The following SVIL variants were observed in gnomAD, a reference collection of about 807,000 sequenced individuals.
The protein encoded by SVIL is archvillin.
A neutral mutation model predicts 240.4 loss-of-function variants in SVIL; 101 were observed. That is an observed-to-expected ratio of 0.42 (90% CI 0.36 to 0.50). The LOEUF (loss-of-function observed/expected upper bound fraction) is 0.50. Among genes scored for constraint, SVIL ranks in the 20% least tolerant of loss-of-function variants. The probability of loss-of-function intolerance (pLI) is 0.01; values close to 1 mark genes in which losing one functional copy is unlikely to be tolerated. For missense variants in SVIL, 2,512 were observed against 2,818.7 expected (o/e 0.89, Z 2.46); for synonymous variants, 999 against 1,100.0 (o/e 0.91, Z 1.82).
At chr10:29,619,394 A>G (rs553417659) in intron 1 of SVIL, among the ~76,000 whole-genome samples, 142 of 152,344 alleles carry the variant, frequency 9.3e-4, no homozygotes, top group Non-Finnish European at 1.7e-3. Context: ...ACTAAAACTA[A>G]CCAGACGTAT....
intron 3 of SVIL, among the ~76,000 whole-genome samples, chr10:29,558,625 A>G (rs2132676276): frequency 6.6e-6 from 1 of 151,750 alleles, no homozygotes; most frequent in African/African-American, 2.4e-5. Flanking sequence ...TATCTGTTTT[A>G]TATTATTATT....
At chr10:29,736,287 G>C (rs1207277678), upstream of SVIL, among the ~76,000 whole-genome samples, 1 of 152,208 alleles carries the variant, frequency 6.6e-6, no homozygotes, top group Non-Finnish European at 1.5e-5. Context: ...TTAAAACACC[G>C]GAAAGGCAGA....
At chr10:29,658,375 G>T (rs1346981586) in intron 2 of SVIL, among the ~76,000 whole-genome samples, 1 of 152,180 alleles carries the variant, frequency 6.6e-6, no homozygotes, top group Non-Finnish European at 1.5e-5. Flanking sequence ...TTTTCTGGGA[G>T]GACTAAAATT....
At chr10:29,649,266 T>C (rs1234478643) in intron 3 of SVIL, among the ~76,000 whole-genome samples, 3 of 152,200 alleles carry the variant, frequency 2.0e-5, no homozygotes, top group African/African-American at 7.2e-5. Context: ...CTTCTCAGAA[T>C]AATAAATTTA....
At chr10:29,622,131 TC>T (rs1416767601) in intron 1 of SVIL, among the ~76,000 whole-genome samples, 1 of 149,810 alleles carries the variant, frequency 6.7e-6, no homozygotes, top group Non-Finnish European at 1.5e-5. Flanking sequence ...GCGCCTGTAG[TC>T]CCAGCTACTC....
At chr10:29,487,481 G>A (rs1034213796) in intron 23 of SVIL, 182 bp from the exon 24 acceptor site, 18 of 642,428 alleles carry the variant, frequency 2.8e-5, no homozygotes, top group Non-Finnish European at 4.4e-5. Context: ...TGGCACTAGC[G>A]GCTGCTTTCC....
chr10:29,516,834 G>A (rs1029181762), intron 16 of SVIL, among the ~76,000 whole-genome samples: 4 of 152,304 alleles, frequency 2.6e-5, no homozygotes, highest in African/African-American at 7.2e-5. Flanking sequence ...ATGCTGGCCT[G>A]AGAACCCTGC....
At chr10:29,652,245 T>C (rs1958862880) in intron 3 of SVIL, among the ~76,000 whole-genome samples, 1 of 152,212 alleles carries the variant, frequency 6.6e-6, no homozygotes, top group Admixed American at 6.5e-5. Context: ...ACCATTAATC[T>C]ACTTTGTGTC....
chr10:29,581,197 T>C (rs2132763843), intron 1 of SVIL, among the ~76,000 whole-genome samples: 1 of 152,180 alleles, frequency 6.6e-6, no homozygotes, highest in East Asian at 1.9e-4. Flanking sequence ...GGTATTCTCA[T>C]TTTCTTTGGT....
In SVIL at chr10:29,529,414, C is replaced by A. The variant is rs568894952; in HGVS notation, c.2246+291G>T. On this transcript the variant is annotated intron_variant, in intron 12 of 37. Transcript: ENST00000355867. ...GAAGCTGGGGTTTCATCACAGCAAT[C>A]CACCAAGTTTCATGTTTCTATTTTC... Among the ~76,000 whole-genome samples the A allele has an allele frequency of 3.0e-3, 456 of 152,020 alleles. 4 individuals carry two copies. The highest frequency in any genetic ancestry group is 0.02 in the Middle Eastern group (6 of 294).
chr10:29,713,804 T>A (rs1963446686), intron 1 of SVIL, among the ~76,000 whole-genome samples: 1 of 152,200 alleles, frequency 6.6e-6, no homozygotes, highest in East Asian at 1.9e-4. Context: ...AAGCTTTTCC[T>A]CCAAAAGAGG....
upstream of SVIL, among the ~76,000 whole-genome samples, chr10:29,639,183 T>C (rs1465288362): frequency 1.3e-5 from 2 of 152,128 alleles, no homozygotes; most frequent in Admixed American, 1.3e-4. Flanking sequence ...TTTGTTTTTC[T>C]TTTTCTTGAG....
chr10:29,551,569 T>C (rs1245581511), intron 5 of SVIL, among the ~76,000 whole-genome samples: 1 of 152,222 alleles, frequency 6.6e-6, no homozygotes, highest in Non-Finnish European at 1.5e-5. Flanking sequence ...CAGTGCTTAT[T>C]TCCCCTTACT....
chr10:29,550,072 A>G (rs1953138252), intron 6 of SVIL, among the ~76,000 whole-genome samples: 1 of 148,624 alleles, frequency 6.7e-6, no homozygotes, highest in African/African-American at 2.5e-5. Context: ...AAAAAAAAAC[A>G]TAAGAAACGC....
Position 29,523,461 on chromosome 10 carries a change from A to C in SVIL, c.3153T>G (p.Phe1051Leu). Residue 1051 changes from phenylalanine to leucine, a missense_variant, in exon 15 of 38, where the codon TTT (phenylalanine) becomes TTG (leucine). Phe to Leu is a conservative substitution (Grantham distance 22). This residue lies in a region of SVIL where 1,443 missense variants were observed against 1,486.6 expected (regional missense o/e 0.97). Coordinates refer to ENST00000355867, the MANE Select transcript of SVIL (RefSeq NM_021738.3). ...GCACTGGTCACTTACCTCTTAGTGA[A>C]AACTTCCTTTTCATAACATTCTCCA... ...VEVENVMKRK[F>L]SLRAAEFGEP... The C allele has an allele frequency of 6.2e-7, 1 of 1,600,118 alleles. No individual in the cohort carries two copies. The highest frequency in any genetic ancestry group is 8.5e-7 in the Non-Finnish European group (1 of 1,173,110).
At chr10:29,521,147 C>A (rs534538656) in intron 16 of SVIL, among the ~76,000 whole-genome samples, 175 of 149,298 alleles carry the variant, frequency 1.2e-3, no homozygotes, top group Non-Finnish European at 2.1e-3. Context: ...CGCTTGAACC[C>A]GGGAGGCAGA....
intron 33 of SVIL, among the ~76,000 whole-genome samples, chr10:29,466,679 C>A (rs1244632373): frequency 6.6e-6 from 1 of 151,934 alleles, no homozygotes; most frequent in African/African-American, 2.4e-5. Context: ...TATCTCACAG[C>A]CATTAGAAAT....
chr10:29,526,891 G>T, intron 13 of SVIL, 70 bp downstream of exon 13: 1 of 1,236,788 alleles, frequency 8.1e-7, no homozygotes, highest in Non-Finnish European at 1.1e-6. Flanking sequence ...AGACATTCAA[G>T]ACTTTAGGAT....
At chr10:29,626,810 G>C (rs1256779676) in intron 1 of SVIL, among the ~76,000 whole-genome samples, 1 of 152,086 alleles carries the variant, frequency 6.6e-6, no homozygotes, top group Non-Finnish European at 1.5e-5. Flanking sequence ...GGATCACGAG[G>C]TCAGGAGATC....
Sources: gnomAD v4.1 joint callset for allele counts (sites outside exome capture counted in the v4.1 genomes callset) on GRCh38, gnomAD v4.1.1 for gene constraint, gnomAD v4.1.1 regional missense constraint, MANE v1.5 for transcripts, NCBI Gene and HGNC (gene_info 2026-07-23, HGNC 2026-07-21) for gene names.